Variants in TESK2 observed in about 807,000 individuals in gnomAD.
TESK2 encodes dual specificity testis-specific protein kinase 2.
TESK2 carries 39 observed loss-of-function variants against 57.1 expected under a neutral mutation model. The ratio of observed to expected loss-of-function variants is 0.68; its 90% CI spans 0.53 to 0.89. TESK2 has a LOEUF of 0.89. TESK2 is among the 40% of genes least tolerant of loss of function. The pLI, the probability that TESK2 is intolerant of heterozygous loss-of-function variation, is 0.00. For missense variants in TESK2, 646 were observed against 732.1 expected (o/e 0.88, Z 1.36); for synonymous variants, 249 against 267.9 (o/e 0.93, Z 0.69).
At chr1:45,393,037 T>C (rs1649212098) in intron 3 of TESK2, among the ~76,000 whole-genome samples, 1 of 152,210 alleles carries the variant, frequency 6.6e-6, no homozygotes, top group Non-Finnish European at 1.5e-5. Context: ...AGCCAAGAGG[T>C]ATTTGATTTT....
intron 4 of TESK2, among the ~76,000 whole-genome samples, chr1:45,370,248 T>C (rs1345038553): frequency 6.6e-6 from 1 of 152,240 alleles, no homozygotes; most frequent in African/African-American, 2.4e-5. Context: ...TTTTAAACTC[T>C]AGCTGTGAAT....
chr1:45,401,490 A>G (rs1413651660), intron 3 of TESK2, among the ~76,000 whole-genome samples: 1 of 152,158 alleles, frequency 6.6e-6, no homozygotes, highest in East Asian at 1.9e-4. Context: ...TGAAGGCTGA[A>G]TAACAGCACC....
At chr1:45,454,770 C>T (rs940371186) in intron 2 of TESK2, among the ~76,000 whole-genome samples, 3 of 151,958 alleles carry the variant, frequency 2.0e-5, no homozygotes, top group Admixed American at 6.6e-5. Flanking sequence ...GCCCCACCAT[C>T]GACAGATAAA....
At chr1:45,411,455 G>A (rs745480544) in intron 3 of TESK2, among the ~76,000 whole-genome samples, 3 of 152,112 alleles carry the variant, frequency 2.0e-5, no homozygotes, top group East Asian at 3.9e-4. Flanking sequence ...CAGGGTTCAC[G>A]CTTCTATGAA....
intron 5 of TESK2, among the ~76,000 whole-genome samples, chr1:45,350,699 C>T (rs934685742): frequency 6.6e-6 from 1 of 152,194 alleles, no homozygotes; most frequent in African/African-American, 2.4e-5. Context: ...CATGTGATCT[C>T]ATACCTTTAC....
At chr1:45,389,414 A>T (rs1649047190) in intron 3 of TESK2, among the ~76,000 whole-genome samples, 1 of 152,110 alleles carries the variant, frequency 6.6e-6, no homozygotes, top group Non-Finnish European at 1.5e-5. Context: ...CCCTGTCTCC[A>T]ACAAAAATAC....
chr1:45,394,489 C>T (rs1649275893), intron 3 of TESK2, among the ~76,000 whole-genome samples: 1 of 150,766 alleles, frequency 6.6e-6, no homozygotes. Context: ...GAAACAAACC[C>T]ATGAAGGATC....
chr1:45,384,081 C>A (rs1648763721), intron 4 of TESK2, among the ~76,000 whole-genome samples: 1 of 152,112 alleles, frequency 6.6e-6, no homozygotes, highest in Admixed American at 6.6e-5. Flanking sequence ...TTATACATGC[C>A]AGGCACTGTA....
chr1:45,384,980 C>T (rs1349421897), intron 4 of TESK2, among the ~76,000 whole-genome samples: 1 of 152,086 alleles, frequency 6.6e-6, no homozygotes, highest in East Asian at 1.9e-4. Context: ...GCACATGGGA[C>T]CCTCTTTCAT....
At chr1:45,384,593 A>ATTTTTTTTTTTTTTTTTTTTTT (rs59988269) in intron 4 of TESK2, among the ~76,000 whole-genome samples, 4 of 70,868 alleles carry the variant, frequency 5.6e-5, no homozygotes, top group Non-Finnish European at 1.1e-4. Flanking sequence ...CTAATTATTA[A>ATTTTTTTTTTTTTTTTTTTTTT]TTTTTTTTTT....
intron 2 of TESK2, among the ~76,000 whole-genome samples, chr1:45,449,406 A>G (rs1033836290): frequency 6.6e-6 from 1 of 152,172 alleles, no homozygotes; most frequent in African/African-American, 2.4e-5. Flanking sequence ...GCGTGTTGAC[A>G]GCAGCTTTAT....
chr1:45,402,746 T>C (rs943397116), intron 3 of TESK2, among the ~76,000 whole-genome samples: 1 of 151,916 alleles, frequency 6.6e-6, no homozygotes, highest in Non-Finnish European at 1.5e-5. Context: ...CCTCCCAAAG[T>C]GCTGGGATTA....
chr1:45,354,517 T>C (rs890948543), intron 5 of TESK2, among the ~76,000 whole-genome samples: 1 of 151,898 alleles, frequency 6.6e-6, no homozygotes, highest in Non-Finnish European at 1.5e-5. Flanking sequence ...TCCCAGCTAC[T>C]CAGGAGGCTG....
chr1:45,352,814 C>T (rs1240674795), intron 5 of TESK2, among the ~76,000 whole-genome samples: 1 of 152,000 alleles, frequency 6.6e-6, no homozygotes, highest in African/African-American at 2.4e-5. Flanking sequence ...GAAAAAATGG[C>T]GCTTTCTGAG....
intron 1 of TESK2, among the ~76,000 whole-genome samples, chr1:45,465,134 G>A (rs1652492709): frequency 1.3e-5 from 2 of 152,086 alleles, no homozygotes; most frequent in Non-Finnish European, 2.9e-5. Context: ...CACTCAGGAG[G>A]CTGAGGCATG....
chr1:45,360,769 G>A (rs1454443020), intron 4 of TESK2, among the ~76,000 whole-genome samples: 1 of 152,222 alleles, frequency 6.6e-6, no homozygotes, highest in Non-Finnish European at 1.5e-5. Context: ...AATGTTTCAA[G>A]ACCTCTGCAT....
chr1:45,377,507 C>T (rs1214840498), intron 4 of TESK2, among the ~76,000 whole-genome samples: 1 of 150,526 alleles, frequency 6.6e-6, no homozygotes, highest in Non-Finnish European at 1.5e-5. Context: ...CCACCTCTGC[C>T]TCCCAGGCTC....
intron 3 of TESK2, among the ~76,000 whole-genome samples, chr1:45,400,215 TG>T (rs1649542736): frequency 6.6e-6 from 1 of 152,098 alleles, no homozygotes; most frequent in Admixed American, 6.6e-5. Context: ...AGTGATGCAA[TG>T]TGAGAAAGAC....
chr1:45,380,084 G>C (rs925885514), intron 4 of TESK2, among the ~76,000 whole-genome samples: 17 of 151,964 alleles, frequency 1.1e-4, no homozygotes, highest in Admixed American at 3.3e-4. Flanking sequence ...ATTTTTTATA[G>C]AGACGGAGTT....
Sources: gnomAD v4.1 joint callset for allele counts (sites outside exome capture counted in the v4.1 genomes callset) on GRCh38, gnomAD v4.1.1 for gene constraint, MANE v1.5 for transcripts, NCBI Gene and HGNC (gene_info 2026-07-23, HGNC 2026-07-21) for gene names.